FGGY: variants seen among roughly 807,000 people sequenced by gnomAD.
FGGY encodes the protein FGGY carbohydrate kinase domain-containing protein.
A neutral mutation model predicts 71.3 loss-of-function variants in FGGY; 72 were observed. That is an observed-to-expected ratio of 1.01 (90% CI 0.84 to 1.23). FGGY has a LOEUF of 1.23. Ranked by LOEUF, FGGY falls within the 50% of genes most tolerant of loss-of-function variation. FGGY has a pLI of 0.00. For missense variants in FGGY, 668 were observed against 682.3 expected, an observed-to-expected ratio of 0.98 and a Z score of 0.23; for synonymous variants, 251 against 250.3, an observed-to-expected ratio of 1.00 and a Z score of -0.02.
intron 6 of FGGY, among the ~76,000 whole-genome samples, chr1:59,466,991 T>C (rs769828264): frequency 6.6e-5 from 10 of 152,178 alleles, no homozygotes; most frequent in African/African-American, 1.4e-4. Flanking sequence ...ACCCAGCGAT[T>C]CCATTACTGG....
intron 2 of FGGY, among the ~76,000 whole-genome samples, chr1:59,332,658 G>A (rs896004573): frequency 6.6e-6 from 1 of 152,164 alleles, no homozygotes; most frequent in Admixed American, 6.5e-5. Flanking sequence ...TAGAGACGCT[G>A]AGTCTTTGTG....
intron 4 of FGGY, among the ~76,000 whole-genome samples, chr1:59,363,920 C>T (rs2056090508): frequency 6.6e-6 from 1 of 152,194 alleles, no homozygotes; most frequent in African/African-American, 2.4e-5. Flanking sequence ...GGCCTTTGTC[C>T]ATGCCCAGCG....
chr1:59,517,520 CT>C (rs1359225387), intron 7 of FGGY, among the ~76,000 whole-genome samples: 1 of 152,118 alleles, frequency 6.6e-6, no homozygotes, highest in Non-Finnish European at 1.5e-5. Flanking sequence ...CCGCCTCGGC[CT>C]CCCAATCAGT....
chr1:59,732,516 A>G (rs559866093), intron 14 of FGGY, among the ~76,000 whole-genome samples: 1 of 152,280 alleles, frequency 6.6e-6, no homozygotes, highest in South Asian at 2.1e-4. Flanking sequence ...CAGGGAGGGC[A>G]CCTCAGAGAT....
At chr1:59,552,382 C>CT (rs2153703208) in intron 7 of FGGY, among the ~76,000 whole-genome samples, 1 of 152,304 alleles carries the variant, frequency 6.6e-6, no homozygotes, top group African/African-American at 2.4e-5. Context: ...ACTGTGATAA[C>CT]TAACACAGAA....
intron 4 of FGGY, among the ~76,000 whole-genome samples, chr1:59,348,182 A>T (rs374774562): frequency 6.6e-6 from 1 of 152,204 alleles, no homozygotes. Context: ...CCAGTATTCT[A>T]TTGGAGTTCA....
At chr1:59,679,904 C>T (rs2097479166) in intron 14 of FGGY, among the ~76,000 whole-genome samples, 1 of 152,134 alleles carries the variant, frequency 6.6e-6, no homozygotes, top group African/African-American at 2.4e-5. Flanking sequence ...AATGCTGCAA[C>T]TGACATCTCT....
intron 9 of FGGY, among the ~76,000 whole-genome samples, chr1:59,610,195 C>A (rs773159401): frequency 6.6e-6 from 1 of 152,150 alleles, no homozygotes; most frequent in Non-Finnish European, 1.5e-5. Flanking sequence ...TTAAGCCTTC[C>A]ATGCATTAGC....
At chr1:59,610,813 C>T (rs368559544) in intron 9 of FGGY, among the ~76,000 whole-genome samples, 30 of 152,368 alleles carry the variant, frequency 2.0e-4, no homozygotes, top group African/African-American at 2.6e-4. Flanking sequence ...CACTCCCACA[C>T]GGCTACTGCG....
At chr1:59,357,162 A>G (rs1466456559) in intron 4 of FGGY, among the ~76,000 whole-genome samples, 1 of 152,174 alleles carries the variant, frequency 6.6e-6, no homozygotes, top group East Asian at 1.9e-4. Flanking sequence ...GCTTGCCTTC[A>G]TCTACCTGGA....
chr1:59,538,935 T>C (rs1260076830), intron 7 of FGGY, among the ~76,000 whole-genome samples: 1 of 152,030 alleles, frequency 6.6e-6, no homozygotes, highest in Non-Finnish European at 1.5e-5. Flanking sequence ...ACATGGCACG[T>C]ATATGCATAT....
At chr1:59,584,499 A>G (rs536025248) in intron 8 of FGGY, among the ~76,000 whole-genome samples, 1 of 150,218 alleles carries the variant, frequency 6.7e-6, no homozygotes, top group Non-Finnish European at 1.5e-5. Context: ...TCAATAAATT[A>G]GGTATTGATG....
At chr1:59,708,804 A>C (rs1458321598) in intron 14 of FGGY, among the ~76,000 whole-genome samples, 1 of 152,206 alleles carries the variant, frequency 6.6e-6, no homozygotes, top group African/African-American at 2.4e-5. Flanking sequence ...CCAAAATCTG[A>C]AACTTTTTGA....
chr1:59,401,210 G>A (rs1386276022), intron 5 of FGGY, among the ~76,000 whole-genome samples: 1 of 152,098 alleles, frequency 6.6e-6, no homozygotes, highest in Non-Finnish European at 1.5e-5. Context: ...TTTAATGTCA[G>A]CATTGATAAC....
At chr1:59,430,653 G>A (rs1279951450) in intron 5 of FGGY, among the ~76,000 whole-genome samples, 2 of 152,062 alleles carry the variant, frequency 1.3e-5, no homozygotes, top group Non-Finnish European at 2.9e-5. Flanking sequence ...AAATCTCTTG[G>A]TTCATAATAA....
intron 8 of FGGY, 65 bp downstream of exon 8, chr1:59,554,292 G>A (rs1453155047): frequency 1.6e-6 from 2 of 1,280,148 alleles, no homozygotes; most frequent in Non-Finnish European, 2.2e-6. Context: ...AGGAGACCCT[G>A]AGTGCTGGCT....
At chr1:59,664,303 C>T (rs944624907) in intron 12 of FGGY, among the ~76,000 whole-genome samples, 1 of 152,138 alleles carries the variant, frequency 6.6e-6, no homozygotes, top group Non-Finnish European at 1.5e-5. Flanking sequence ...GAGTATTACA[C>T]AGATTGGAGT....
intron 9 of FGGY, among the ~76,000 whole-genome samples, chr1:59,608,711 T>C (rs2096647023): frequency 6.6e-6 from 1 of 152,138 alleles, no homozygotes. Context: ...CAGGCGCCTG[T>C]AATCTCAGCT....
At chr1:59,540,276 C>T (rs970783918) in intron 7 of FGGY, among the ~76,000 whole-genome samples, 1 of 152,136 alleles carries the variant, frequency 6.6e-6, no homozygotes, top group Non-Finnish European at 1.5e-5. Flanking sequence ...AGAAAAAATA[C>T]GTATATAGTA....
Sources: allele counts gnomAD v4.1 joint callset (sites outside exome capture counted in the v4.1 genomes callset), GRCh38; gene constraint gnomAD v4.1.1; transcripts MANE v1.5; gene names NCBI Gene and HGNC (gene_info 2026-07-23, HGNC 2026-07-21).